Variants in PCNX2 observed in about 807,000 individuals in gnomAD.
PCNX2 encodes the protein pecanex 2.
Under a neutral mutation model 223.8 loss-of-function variants are expected in PCNX2, and 168 were observed. That is an observed-to-expected ratio of 0.75 (90% CI 0.66 to 0.85). The LOEUF (loss-of-function observed/expected upper bound fraction) is 0.85, where lower values mean the gene tolerates loss of function less well. Ranked by LOEUF, PCNX2 falls within the 40% of genes least tolerant of loss-of-function variation. The probability of loss-of-function intolerance (pLI) is 0.00; values close to 1 mark genes in which losing one functional copy is unlikely to be tolerated. For missense variants in PCNX2, 2,507 were observed against 2,675.5 expected, an observed-to-expected ratio of 0.94 and a Z score of 1.39; for synonymous variants, 1,006 against 1,052.6, an observed-to-expected ratio of 0.96 and a Z score of 0.86.
intron 15 of PCNX2, among the ~76,000 whole-genome samples, chr1:233,197,632 T>G (rs955083561): frequency 6.6e-6 from 1 of 152,178 alleles, no homozygotes; most frequent in Non-Finnish European, 1.5e-5. Context: ...CCTCCCCTTT[T>G]TTTCTGAAAG....
chr1:233,264,920 G>A (rs996804572), intron 1 of PCNX2, among the ~76,000 whole-genome samples: 6 of 152,226 alleles, frequency 3.9e-5, no homozygotes, highest in African/African-American at 9.6e-5. Context: ...GCAGATGTCC[G>A]TGAAAACAGA....
At chr1:233,260,125 A>G (rs2102997145) in intron 4 of PCNX2, among the ~76,000 whole-genome samples, 2 of 152,286 alleles carry the variant, frequency 1.3e-5, no homozygotes, top group South Asian at 4.1e-4. Context: ...TATCTTTTAT[A>G]AGATTTGACT....
chr1:233,236,035 T>C (rs550914935), intron 9 of PCNX2, among the ~76,000 whole-genome samples: 12 of 149,330 alleles, frequency 8.0e-5, no homozygotes, highest in Admixed American at 3.3e-4. Context: ...AACTGAAACA[T>C]TTCCAGGAAA....
At chr1:233,113,247 G>A (rs1675216288) in intron 21 of PCNX2, among the ~76,000 whole-genome samples, 1 of 152,178 alleles carries the variant, frequency 6.6e-6, no homozygotes, top group African/African-American at 2.4e-5. Context: ...CAGCTCTACT[G>A]GCCCTGTGCT....
intron 12 of PCNX2, among the ~76,000 whole-genome samples, chr1:233,212,157 C>T (rs1681858698): frequency 6.6e-6 from 1 of 152,156 alleles, no homozygotes; most frequent in Admixed American, 6.5e-5. Flanking sequence ...GTTCATAATG[C>T]TCTTTGGTTC....
At position 233,243,875 on chromosome 1, in the gene PCNX2, T is replaced by A. The variant is rs557746300; in HGVS notation, c.2222+6864A>T. ...GAGACTGAGTCTTGCTCTGTTGCCC[T>A]GGCTGGAGTGCAGTGACGTGATCTC... On this transcript the variant is annotated intron_variant, in intron 8 of 33. Transcript: ENST00000258229. Among the ~76,000 whole-genome samples, 5 of 152,152 alleles carry A rather than the reference T, an allele frequency of 3.3e-5. No individual in the cohort carries two copies. In the South Asian group the frequency reaches 8.3e-4, roughly 25 times the overall value.
At chr1:233,042,089 C>A (rs1158251665) in intron 25 of PCNX2, among the ~76,000 whole-genome samples, 1 of 152,138 alleles carries the variant, frequency 6.6e-6, no homozygotes, top group Non-Finnish European at 1.5e-5. Context: ...TATTCCAAAT[C>A]AAAAAAATTC....
intron 32 of PCNX2, among the ~76,000 whole-genome samples, chr1:232,994,887 C>A (rs190146681): frequency 2.0e-5 from 3 of 152,244 alleles, no homozygotes; most frequent in East Asian, 3.9e-4. Flanking sequence ...TTCTTGAGGT[C>A]CCCCCAGCCA....
At chr1:233,078,696 C>T (rs1289115128) in intron 23 of PCNX2, among the ~76,000 whole-genome samples, 1 of 152,168 alleles carries the variant, frequency 6.6e-6, no homozygotes, top group Admixed American at 6.5e-5. Context: ...TCCCTGCAGT[C>T]GCATGGTCGG....
intron 19 of PCNX2, among the ~76,000 whole-genome samples, chr1:233,146,075 T>C (rs1475448244): frequency 6.6e-6 from 1 of 152,250 alleles, no homozygotes; most frequent in Non-Finnish European, 1.5e-5. Context: ...CCAAGCATTT[T>C]AAATAAGAGG....
chr1:233,060,205 C>T (rs538801697), intron 23 of PCNX2, among the ~76,000 whole-genome samples: 2 of 152,278 alleles, frequency 1.3e-5, no homozygotes, highest in East Asian at 1.9e-4. Flanking sequence ...GCAGAAAATC[C>T]AGCAACCAAC....
intron 1 of PCNX2, among the ~76,000 whole-genome samples, chr1:233,278,788 G>A (rs1022127129): frequency 6.6e-6 from 1 of 152,140 alleles, no homozygotes; most frequent in South Asian, 2.1e-4. Context: ...TCTACTCTGG[G>A]TGGCAGAGAT....
intron 26 of PCNX2, among the ~76,000 whole-genome samples, chr1:233,024,501 C>G (rs1671015431): frequency 6.6e-6 from 1 of 152,190 alleles, no homozygotes. Flanking sequence ...CTGCCCCTTC[C>G]CCTTCAGAAA....
intron 26 of PCNX2, chr1:233,019,263 G>A (rs1241294844): frequency 4.4e-5 from 41 of 926,328 alleles, no homozygotes; most frequent in East Asian, 1.2e-4. Flanking sequence ...CTTCTATTAC[G>A]CTCCACAGTC....
At chr1:233,199,442 A>G (rs1161153483) in intron 14 of PCNX2, among the ~76,000 whole-genome samples, 2 of 150,718 alleles carry the variant, frequency 1.3e-5, no homozygotes, top group East Asian at 4.2e-4. Flanking sequence ...AAGTGTCCCT[A>G]TGTAGTGTAT....
chr1:233,129,781 C>T (rs1404675094), intron 21 of PCNX2, among the ~76,000 whole-genome samples: 2 of 152,180 alleles, frequency 1.3e-5, no homozygotes, highest in African/African-American at 4.8e-5. Context: ...TCAAACGGAC[C>T]AATCAGCTCT....
At position 233,105,721 on chromosome 1, in the gene PCNX2, C is replaced by T. The variant is rs143305832; in HGVS notation, c.3838-9858G>A. On this transcript the variant is annotated intron_variant, in intron 21 of 33. Transcript: ENST00000258229. ...GTTAATAAAGGAAACGCAACAAGCC[C>T]TGATTCTTTGATTAGCTGACCTTAT... Among the ~76,000 whole-genome samples, 284 of 152,284 alleles carry T rather than the reference C, an allele frequency of 1.9e-3. 2 individuals carry two copies. Among genetic ancestry groups the T allele is most frequent in the African/African-American group, 6.6e-3 (275 of 41,556 alleles).
At chr1:233,201,412 C>T (rs915904274) in intron 13 of PCNX2, 1 of 152,178 alleles carries the variant, frequency 6.6e-6, no homozygotes, top group African/African-American at 2.4e-5. Context: ...TATAAGACAT[C>T]ATTTCTTTTT....
At chr1:232,993,081 A>G (rs1669757472) in intron 32 of PCNX2, among the ~76,000 whole-genome samples, 1 of 152,246 alleles carries the variant, frequency 6.6e-6, no homozygotes, top group Non-Finnish European at 1.5e-5. Flanking sequence ...AAGATACCTG[A>G]AAATGTGGAA....
Sources: gnomAD v4.1 joint callset for allele counts (sites outside exome capture counted in the v4.1 genomes callset) on GRCh38, gnomAD v4.1.1 for gene constraint, MANE v1.5 for transcripts, NCBI Gene and HGNC (gene_info 2026-07-23, HGNC 2026-07-21) for gene names.